HLA-G: variants seen among roughly 807,000 people sequenced by gnomAD.
HLA-G encodes the protein HLA class I histocompatibility antigen, alpha chain G.
HLA-G carries 34 observed loss-of-function variants against 39.3 expected under a neutral mutation model. That is an observed-to-expected ratio of 0.86 (90% CI 0.66 to 1.15). The LOEUF (loss-of-function observed/expected upper bound fraction) is 1.15. Ranked by LOEUF, HLA-G falls within the 50% of genes most tolerant of loss-of-function variation. The pLI, the probability that HLA-G is intolerant of heterozygous loss-of-function variation, is 0.00. For missense variants in HLA-G, 419 were observed against 456.4 expected (o/e 0.92, Z 0.75); for synonymous variants, 183 against 185.8 (o/e 0.99, Z 0.12).
intron 1 of HLA-G, 31 bp downstream of exon 1, chr6:29,827,948 C>T (rs762626298): frequency 6.3e-6 from 10 of 1,596,854 alleles, no homozygotes; most frequent in South Asian, 2.3e-5. Flanking sequence ...GAAACAGCCC[C>T]TGCGCGGAGG....
chr6:29,827,012 A>T (rs1167478410), upstream of HLA-G: 1 of 526,294 alleles, frequency 1.9e-6, no homozygotes, highest in South Asian at 1.4e-5. Flanking sequence ...GATGTCCTGG[A>T]CTCACACGGA....
upstream of HLA-G, chr6:29,827,156 A>G (rs2735022): frequency 0.5 from 232,319 of 466,350 alleles, 59,998 homozygotes; most frequent in South Asian, 0.67. Context: ...ATATACCAAC[A>G]GGCCAAAGTC....
intron 2 of HLA-G, 64 bp downstream of exon 2, chr6:29,828,380 G>A: frequency 1.3e-6 from 2 of 1,562,354 alleles, no homozygotes; most frequent in Non-Finnish European, 1.7e-6. Context: ...GGACGGCCCG[G>A]GTACTCCCGA....
intron 3 of HLA-G, 137 bp downstream of exon 3, chr6:29,828,955 GT>G: frequency 8.5e-7 from 1 of 1,177,690 alleles, no homozygotes. Flanking sequence ...ATCCTCCTGG[GT>G]TTCCAGATCC....
Position 29,830,833 on chromosome 6 carries a change from C to T in HLA-G, c.*94C>T, listed in dbSNP as rs1707. ...CTTTGTGACTTCAAGAACCCTGACT[C>T]CTCTTTGTGCAGAGACCAGCCCACC... On this transcript the variant is annotated 3_prime_UTR_variant, in exon 7 of 7. Transcript: ENST00000360323. The T allele has an allele frequency of 0.89, 384,004 of 431,992 alleles. 171,406 individuals carry two copies. Among genetic ancestry groups the T allele is most frequent in the East Asian group, 0.98 (16,599 of 16,954 alleles). 26.8% of individuals were successfully genotyped at this position (431,992 alleles called of 1,614,324 possible).
Position 29,829,493 on chromosome 6 carries a change from T to G in HLA-G, c.695T>G (p.Phe232Cys). Reference sequence around the variant, plus strand: ...ACCCTGAGGTGCTGGGCCCTGGGCTTCTACCCTGCGGAGATCATACTGACC... The same window carrying G: ...ACCCTGAGGTGCTGGGCCCTGGGCTGCTACCCTGCGGAGATCATACTGACC... ...EATLRCWALG[F>C]YPAEIILTWQ... The change falls in exon 4 of 7, where the codon TTC (phenylalanine) becomes TGC (cysteine). Residue 232 changes from phenylalanine (F) to cysteine (C), a missense_variant. Transcript: ENST00000360323. 1 of 1,613,766 alleles carries G rather than the reference T, an allele frequency of 6.2e-7. No individual in the cohort carries two copies. The highest frequency in any genetic ancestry group is 8.5e-7 in the Non-Finnish European group (1 of 1,179,816).
rs373197901 is a variant in HLA-G, at chr6:29,828,226, G to C, written c.253G>C (p.Glu85Gln). ...WVEQEGPEYW[E>Q]EETRNTKAHA... The stretch of plus-strand genomic sequence containing the variant: ...GGAGCAGGAGGGGCCGGAGTATTGG[G>C]AAGAGGAGACACGGAACACCAAGGC... Residue 85 changes from glutamate (E) to glutamine (Q), a missense_variant, in exon 2 of 7, where the codon GAA becomes CAA. Glu to Gln is a conservative substitution (Grantham distance 29, BLOSUM62 2). This residue lies in a region of HLA-G where 91 missense variants were observed against 133.4 expected (regional missense o/e 0.68). Transcript: ENST00000360323. 3.2e-5 allele frequency: 51 copies of C among 1,613,520 alleles called. 1 individual carries two copies. Among genetic ancestry groups the C allele is most frequent in the African/African-American group, 9.3e-5 (7 of 74,916 alleles).
In HLA-G at chr6:29,830,804, GTCC is replaced by G; in HGVS notation, c.*66_*68del. The stretch of plus-strand genomic sequence containing the variant: ...TGCCCTGTGTGGGACTGAGTGGCAA[GTCC>G]CTTTGTGACTTCAAGAACCCTGACT... On this transcript the variant is annotated 3_prime_UTR_variant, in exon 7 of 7. Coordinates refer to ENST00000360323, the MANE Select transcript of HLA-G (RefSeq NM_001384290.1). 120 of 450,574 alleles carry G rather than the reference GTCC, an allele frequency of 2.7e-4. No individual in the cohort carries two copies. Among genetic ancestry groups the G allele is most frequent in the Middle Eastern group, 9.9e-4 (2 of 2,014 alleles). The allele number at this position is 450,574 out of a possible 1,614,324, so 27.9% of individuals were successfully genotyped here.
chr6:29,829,517 C>G lies in HLA-G; in HGVS notation c.719C>G (p.Thr240Ser). The G allele has an allele frequency of 6.2e-7, 1 of 1,613,874 alleles. No individual in the cohort carries two copies. Among genetic ancestry groups the G allele is most frequent in the Non-Finnish European group, 8.5e-7 (1 of 1,179,872 alleles). Residue 240 changes from threonine to serine, a missense_variant, in exon 4 of 7, where the codon ACC becomes AGC. By Grantham distance (58) the Thr-to-Ser change is moderately conservative (BLOSUM62 1). Coordinates refer to ENST00000360323, the MANE Select transcript of HLA-G (RefSeq NM_001384290.1). ...LGFYPAEIIL[T>S]WQRDGEDQTQ... is the part of the protein sequence containing the mutation. ...TTCTACCCTGCGGAGATCATACTGACCTGGCAGCGGGATGGGGAGGACCAG... is the reference window on the plus strand; with the variant it reads ...TTCTACCCTGCGGAGATCATACTGAGCTGGCAGCGGGATGGGGAGGACCAG...
intron 6 of HLA-G, 90 bp downstream of exon 6, chr6:29,830,500 C>A (rs2113864725): frequency 9.1e-7 from 1 of 1,096,734 alleles, no homozygotes; most frequent in Non-Finnish European, 1.4e-6. Context: ...AATTCCTCCT[C>A]TGGCCACATC....
At chr6:29,827,634 C>T (rs1294263480), upstream of HLA-G, 3 of 619,004 alleles carry the variant, frequency 4.8e-6, no homozygotes, top group Non-Finnish European at 8.8e-6. Flanking sequence ...GCCCCACAGG[C>T]GGTGTATGGG....
At chr6:29,827,993 G>A (rs1482610069) in intron 1 of HLA-G, 54 bp from the exon 2 acceptor site, 11 of 1,593,496 alleles carry the variant, frequency 6.9e-6, no homozygotes, top group Non-Finnish European at 9.4e-6. Context: ...CGCAGGACTC[G>A]GCAGCCGCGC....
At chr6:29,829,227 G>C (rs578261803) in intron 3 of HLA-G, among the ~76,000 whole-genome samples, 191 bp from the exon 4 acceptor site, 1 of 149,412 alleles carries the variant, frequency 6.7e-6, no homozygotes, top group Non-Finnish European at 1.5e-5. Flanking sequence ...CTGCTCCCCC[G>C]CTCAGAGACT....
At position 29,829,842 on chromosome 6, in the gene HLA-G, A is replaced by G. The variant is rs1484457198; in HGVS notation, c.922A>G (p.Ile308Val). Residue 308 changes from isoleucine (I) to valine (V), a missense_variant, in exon 5 of 7, where the codon ATC becomes GTC. By Grantham distance (29) the Ile-to-Val change is conservative. Around this residue, in one of 2 missense-constraint regions of HLA-G, gnomAD observed 328 missense variants for 323.0 expected, o/e 1.02. Coordinates refer to ENST00000360323, the MANE Select transcript of HLA-G (RefSeq NM_001384290.1). ...WKQSSLPTIPIMGIVAGLVVL... is the reference protein window; with the variant it reads ...WKQSSLPTIPVMGIVAGLVVL... ...GCAGTCTTCCCTGCCCACCATCCCC[A>G]TCATGGGTATCGTTGCTGGCCTGGT... The G allele has an allele frequency of 3.1e-6, 5 of 1,613,772 alleles. No homozygotes were observed. In the African/African-American group the frequency reaches 4.0e-5, roughly 13 times the overall value.
chr6:29,827,199 A>G (rs17875391), upstream of HLA-G, among the ~76,000 whole-genome samples: 4,454 of 152,308 alleles, frequency 0.029, 148 homozygotes, highest in African/African-American at 0.074. Context: ...CTGATCATTC[A>G]GGGGTTACCA....
At chr6:29,827,355 G>C, upstream of HLA-G, 1 of 355,294 alleles carries the variant, frequency 2.8e-6, no homozygotes, top group South Asian at 2.2e-5. Context: ...CTCACTCTCT[G>C]GCAACAAGCT....
chr6:29,828,651 A>T lies in HLA-G; in HGVS notation c.452A>T (p.Asn151Ile). The change falls in exon 3 of 7, where the codon AAC (asparagine) becomes ATC (isoleucine). Residue 151 changes from asparagine to isoleucine, a missense_variant. Around this residue, in one of 2 missense-constraint regions of HLA-G, gnomAD observed 328 missense variants for 323.0 expected, o/e 1.02. Transcript: ENST00000360323. The part of the protein sequence containing the change: ...AYDGKDYLAL[N>I]EDLRSWTAAD... ...GATGGCAAGGATTACCTCGCCCTGA[A>T]CGAGGACCTGCGCTCCTGGACCGCA... is the stretch of plus-strand genomic sequence containing the variant. The T allele has an allele frequency of 2.5e-6, 4 of 1,613,048 alleles. No homozygotes were observed. Among genetic ancestry groups the T allele is most frequent in the Non-Finnish European group, 3.4e-6 (4 of 1,179,992 alleles).
upstream of HLA-G, among the ~76,000 whole-genome samples, chr6:29,826,730 G>A (rs1697869202): frequency 6.6e-6 from 1 of 152,190 alleles, no homozygotes; most frequent in Admixed American, 6.5e-5. Context: ...GAGCTTCGCT[G>A]GGTGTTCTTT....
rs777549945 is a variant in HLA-G at position 29,829,944 on chromosome 6, G to A, written c.1012+12G>A. On this transcript the variant is annotated intron_variant, in intron 5 of 6. Transcript: ENST00000360323. ...AAAGAAGAGCTCAGGTAAGGAAGGG[G>A]TGACAAGTGGGGTCTGAGTTTTCTT... is the stretch of plus-strand genomic sequence containing the variant. 195 of 1,576,976 alleles carry A rather than the reference G, an allele frequency of 1.2e-4. No homozygotes were observed. The highest frequency in any genetic ancestry group is 1.7e-4 in the Non-Finnish European group (191 of 1,149,094).
Sources: allele counts gnomAD v4.1 joint callset (sites outside exome capture counted in the v4.1 genomes callset), GRCh38; gene constraint gnomAD v4.1.1; regional missense constraint gnomAD v4.1.1; transcripts MANE v1.5; gene names NCBI Gene and HGNC (gene_info 2026-07-23, HGNC 2026-07-21).